Variants in PRDM6 observed in about 807,000 individuals in gnomAD.
The protein encoded by PRDM6 is PR/SET domain 6.
Under a neutral mutation model 60.8 loss-of-function variants are expected in PRDM6, and 25 were observed. That is an observed-to-expected ratio of 0.41 (90% CI 0.30 to 0.57). The LOEUF (loss-of-function observed/expected upper bound fraction) is 0.57. PRDM6 is among the 20% of genes least tolerant of loss of function. The pLI, the probability that PRDM6 is intolerant of heterozygous loss-of-function variation, is 0.27. For missense variants in PRDM6, 839 were observed against 821.3 expected, an observed-to-expected ratio of 1.02 and a Z score of -0.26; for synonymous variants, 407 against 357.4, an observed-to-expected ratio of 1.14 and a Z score of -1.57.
intron 3 of PRDM6, among the ~76,000 whole-genome samples, chr5:123,151,539 A>G (rs1322210996): frequency 6.6e-6 from 1 of 152,164 alleles, no homozygotes; most frequent in Non-Finnish European, 1.5e-5. Flanking sequence ...GTCATGGACT[A>G]GTCGTCTCAC....
chr5:123,123,539 T>C (rs1764627972), intron 3 of PRDM6, among the ~76,000 whole-genome samples: 1 of 152,184 alleles, frequency 6.6e-6, no homozygotes, highest in Non-Finnish European at 1.5e-5. Flanking sequence ...TTAAAATAAA[T>C]CCAAAACAAA....
Position 123,099,577 on chromosome 5 carries a change from A to G in PRDM6, c.593-77A>G. The stretch of plus-strand genomic sequence containing the variant: ...CGGGCGGTGATGCTGTTGTCTCGGG[A>G]GTTTACTCAAAGATGGGCCGCTCGG... On this transcript the variant is annotated intron_variant, in intron 2 of 7. Transcript: ENST00000407847. This position sits in a 1 kb window ranked among gnomAD's most constrained non-coding sequence, Gnocchi z 4.0. 7.6e-7 allele frequency: 1 copy of G among 1,311,862 alleles called. No individual in the cohort carries two copies. The highest frequency in any genetic ancestry group is 1.0e-6 in the Non-Finnish European group (1 of 994,346). 81.3% of individuals were successfully genotyped at this position (1,311,862 alleles called of 1,614,324 possible). A position where few individuals can be genotyped will look rare whatever the true frequency, so the allele number is the denominator to read the frequency against.
At chr5:123,116,849 T>C (rs1395486139) in intron 3 of PRDM6, among the ~76,000 whole-genome samples, 1 of 152,156 alleles carries the variant, frequency 6.6e-6, no homozygotes, top group Admixed American at 6.5e-5. Context: ...ACCATATAAA[T>C]AGATAATTGC....
chr5:123,090,622 C>G lies in PRDM6; in HGVS notation c.592+16C>G. The G allele has an allele frequency of 6.6e-7, 1 of 1,511,264 alleles. No homozygotes were observed. The highest frequency in any genetic ancestry group is 1.2e-5 in the South Asian group (1 of 82,614). The allele number at this position is 1,511,264 out of a possible 1,614,324, so 93.6% of individuals were successfully genotyped here. A position where few individuals can be genotyped will look rare whatever the true frequency, so the allele number is the denominator to read the frequency against. ...CCCAACAACCGTACGTAGCCGCAGCCCGCGCGCTCTCTCCCGGGGCGCCGG... is the reference window on the plus strand; with the variant it reads ...CCCAACAACCGTACGTAGCCGCAGCGCGCGCGCTCTCTCCCGGGGCGCCGG... On this transcript the variant is annotated intron_variant, in intron 2 of 7. Transcript: ENST00000407847.
intron 3 of PRDM6, among the ~76,000 whole-genome samples, chr5:123,144,431 C>T (rs929339167): frequency 2.6e-5 from 4 of 152,176 alleles, no homozygotes; most frequent in African/African-American, 9.7e-5. Context: ...CTTGACCCAC[C>T]TTCACAACTA....
chr5:123,147,686 T>C (rs1259365783), intron 3 of PRDM6, among the ~76,000 whole-genome samples: 5 of 152,322 alleles, frequency 3.3e-5, no homozygotes, highest in Admixed American at 6.5e-5. Flanking sequence ...GAATGAACTG[T>C]CAGGACTTTT....
chr5:123,098,300 TGTCAGGC>T (rs1764005798), intron 2 of PRDM6, among the ~76,000 whole-genome samples: 1 of 152,162 alleles, frequency 6.6e-6, no homozygotes, highest in South Asian at 2.1e-4. Context: ...ACTCGCCAGG[TGTCAGGC>T]TCAGTGCCAT....
At chr5:123,109,910 G>T (rs987375787) in intron 3 of PRDM6, among the ~76,000 whole-genome samples, 3 of 152,194 alleles carry the variant, frequency 2.0e-5, no homozygotes, top group Non-Finnish European at 4.4e-5. Flanking sequence ...AATTCATTAG[G>T]TAGGTTTGAC....
rs116575659 is a variant in PRDM6 at position 123,092,034 on chromosome 5, C to G, written c.592+1428C>G. ...CTGTGATGGAGATAATAATTACCAA[C>G]AGAAAGAGCAATCGTATTTACTTTT... On this transcript the variant is annotated intron_variant, in intron 2 of 7. Coordinates refer to ENST00000407847, the MANE Select transcript of PRDM6 (RefSeq NM_001136239.4). 3.6e-3 allele frequency among the ~76,000 whole-genome samples: 552 copies of G among 152,174 alleles called. 2 individuals carry two copies. The highest frequency in any genetic ancestry group is 0.02 in the South Asian group (94 of 4,820).
At chr5:123,184,365 C>A (rs970886631) in intron 7 of PRDM6, among the ~76,000 whole-genome samples, 10 of 152,064 alleles carry the variant, frequency 6.6e-5, no homozygotes, top group Non-Finnish European at 1.2e-4. Context: ...AAACTCCTCA[C>A]AATGAGGAGT....
intron 6 of PRDM6, among the ~76,000 whole-genome samples, chr5:123,179,613 C>T (rs762152134): frequency 2.0e-5 from 3 of 152,184 alleles, no homozygotes; most frequent in Non-Finnish European, 2.9e-5. Flanking sequence ...CATCCTAGAA[C>T]GGCCTTAGTA....
chr5:123,186,573 A>G (rs1417536037), intron 7 of PRDM6, among the ~76,000 whole-genome samples: 2 of 152,150 alleles, frequency 1.3e-5, no homozygotes, highest in Admixed American at 1.3e-4. Flanking sequence ...AGCAGCGACC[A>G]CGCCTACTGC....
chr5:123,154,818 T>C (rs1765455811), intron 3 of PRDM6, among the ~76,000 whole-genome samples: 1 of 152,208 alleles, frequency 6.6e-6, no homozygotes, highest in Non-Finnish European at 1.5e-5. Context: ...CTGCTGATTT[T>C]ATCTGAAAAG....
intron 2 of PRDM6, among the ~76,000 whole-genome samples, chr5:123,095,382 G>A (rs1030644706): frequency 6.6e-6 from 1 of 152,230 alleles, no homozygotes; most frequent in Admixed American, 6.5e-5. Flanking sequence ...CTAGCCTATA[G>A]CTCGAGAAGG....
chr5:123,130,112 T>TACTCTCC (rs1434425180), intron 3 of PRDM6, among the ~76,000 whole-genome samples: 1 of 28,268 alleles, frequency 3.5e-5, no homozygotes, highest in Non-Finnish European at 5.6e-5. Context: ...TCCCCTCCCC[T>TACTCTCC]CCTCTCCCCT....
At chr5:123,180,030 C>G in intron 6 of PRDM6, 117 bp from the exon 7 acceptor site, 1 of 1,011,830 alleles carries the variant, frequency 9.9e-7, no homozygotes, top group African/African-American at 1.6e-5. Context: ...AGCTCTATGC[C>G]CTGTCTTAGA....
chr5:123,121,853 GTT>G (rs111771327), intron 3 of PRDM6, among the ~76,000 whole-genome samples: 1 of 136,376 alleles, frequency 7.3e-6, no homozygotes, highest in Non-Finnish European at 1.6e-5. Context: ...GAGTTTTTTA[GTT>G]TTTTTTTTTT....
chr5:123,119,322 A>C (rs542909505), intron 3 of PRDM6, among the ~76,000 whole-genome samples: 1 of 152,242 alleles, frequency 6.6e-6, no homozygotes, highest in South Asian at 2.1e-4. Context: ...ATGAGTGATA[A>C]GGGTTAGGAC....
At chr5:123,100,065 G>A (rs1561803993) in intron 3 of PRDM6, 104 bp downstream of exon 3, 1 of 1,226,542 alleles carries the variant, frequency 8.2e-7, no homozygotes, top group Non-Finnish European at 1.1e-6. Context: ...CAACTGCGAA[G>A]AGAGCCTCCC....
Sources: gnomAD v4.1 joint callset for allele counts (sites outside exome capture counted in the v4.1 genomes callset) on GRCh38, gnomAD v4.1.1 for gene constraint, Gnocchi (gnomAD v3.1) non-coding constraint, MANE v1.5 for transcripts, NCBI Gene and HGNC (gene_info 2026-07-23, HGNC 2026-07-21) for gene names.